EPHX3: variants seen among roughly 807,000 people sequenced by gnomAD.
EPHX3 encodes epoxide hydrolase 3.
A neutral mutation model predicts 40.2 loss-of-function variants in EPHX3; 39 were observed. The observed-to-expected ratio is 0.97, with a 90% CI of 0.75 to 1.27. EPHX3 has a LOEUF of 1.27. Among genes scored for constraint, EPHX3 ranks in the 50% most tolerant of loss-of-function variants. The probability of loss-of-function intolerance (pLI) is 0.00; values close to 1 mark genes in which losing one functional copy is unlikely to be tolerated. For synonymous variants in EPHX3, 213 were observed against 209.7 expected (o/e 1.02, Z -0.14); for missense variants, 442 against 474.0 (o/e 0.93, Z 0.63).
At chr19:15,229,156 G>A (rs995288296) in intron 4 of EPHX3, among the ~76,000 whole-genome samples, 2 of 152,148 alleles carry the variant, frequency 1.3e-5, no homozygotes, top group African/African-American at 4.8e-5. Context: ...AAGGCGGGTG[G>A]ATCACTTGAG....
In EPHX3 at chr19:15,232,317, C is replaced by T; in HGVS notation, c.-106G>A. On this transcript the variant is annotated 5_prime_UTR_variant, in exon 1 of 7. Transcript: ENST00000221730. ...GCCCATCGCCCTTGGCCTGGGGCCC[C>T]TCCGTGCCGTCGGGATTTGTGGGAC... 2 of 1,381,422 alleles carry T rather than the reference C, an allele frequency of 1.4e-6. No individual in the cohort carries two copies. Among genetic ancestry groups the T allele is most frequent in the South Asian group, 3.3e-5 (2 of 60,270 alleles). The allele number at this position is 1,381,422 out of a possible 1,614,324, so 85.6% of individuals were successfully genotyped here.
At chr19:15,232,495 A>G (rs2047163218), upstream of EPHX3, 2 of 1,166,762 alleles carry the variant, frequency 1.7e-6, no homozygotes, top group South Asian at 2.1e-5. Flanking sequence ...GGGGAAATAA[A>G]TGGGCGGGGC....
At position 15,231,078 on chromosome 19, in the gene EPHX3, C is replaced by T. The variant is rs145221633; in HGVS notation, c.500G>A (p.Cys167Tyr). 147 of 1,613,920 alleles carry T rather than the reference C, an allele frequency of 9.1e-5. 1 individual carries two copies. The South Asian group carries it at 1.5e-3, about 16-fold the overall frequency. ...ACCCCAGTCATGGGCCACAAGGATG[C>T]ACTTCGAGTAACCTGTGGGAATTCA... ...DVILGLGYSK[C>Y]ILVAHDWGAL... The change falls in exon 4 of 7, where the codon TGC becomes TAC. Residue 167 changes from cysteine (C) to tyrosine (Y), a missense_variant. Transcript: ENST00000221730.
chr19:15,231,821 C>T lies in EPHX3; in HGVS notation c.284G>A (p.Gly95Asp), dbSNP rs759550611. 1.9e-6 allele frequency: 3 copies of T among 1,613,958 alleles called. No homozygotes were observed. Among genetic ancestry groups the T allele is most frequent in the Non-Finnish European group, 2.5e-6 (3 of 1,180,020 alleles). Reference protein sequence around the residue: ...LRLHYVSAGRGNGPLMLFLHG... With the variant: ...LRLHYVSAGRDNGPLMLFLHG... ...CAGAAACAGCATGAGGGGTCCGTTA[C>T]CTCGTCCAGCCGAGACATAGTGCAG... Residue 95 changes from glycine to aspartate, a missense_variant, in exon 2 of 7, where the codon GGT becomes GAT. Physicochemically the swap from Gly to Asp is moderately conservative, Grantham distance 94. Transcript: ENST00000221730.
chr19:15,235,036 A>AT (rs2047181363), upstream of EPHX3, among the ~76,000 whole-genome samples: 1 of 151,934 alleles, frequency 6.6e-6, no homozygotes, highest in Non-Finnish European at 1.5e-5. Context: ...GAGTCTCACC[A>AT]TATCACCCAA....
Position 15,232,214 on chromosome 19 carries a change from C to A in EPHX3, c.-3G>T. On this transcript the variant is annotated 5_prime_UTR_variant, in exon 1 of 7. Transcript: ENST00000221730. ...GCGGTCACCACCAGCTCCGGCATGTCGCCGCGCTCCGGGACCACGGCGGCG... is the reference window on the plus strand; with the variant it reads ...GCGGTCACCACCAGCTCCGGCATGTAGCCGCGCTCCGGGACCACGGCGGCG... The A allele has an allele frequency of 6.7e-7, 1 of 1,499,920 alleles. No homozygotes were observed. The highest frequency in any genetic ancestry group is 1.2e-5 in the South Asian group (1 of 80,696). The allele number at this position is 1,499,920 out of a possible 1,614,324, so 92.9% of individuals were successfully genotyped here.
chr19:15,227,305 A>G lies in EPHX3; in HGVS notation c.*132T>C, dbSNP rs1268261418. On this transcript the variant is annotated 3_prime_UTR_variant, in exon 7 of 7. Coordinates refer to ENST00000221730, the MANE Select transcript of EPHX3 (RefSeq NM_024794.3). ...TAGGTGCGCTTGTGTGGGATCCAGG[A>G]GTCCCATGCCTATGAGCGATTCAAG... 2 of 732,576 alleles carry G rather than the reference A, an allele frequency of 2.7e-6. No homozygotes were observed. The highest frequency in any genetic ancestry group is 2.3e-5 in the Admixed American group (1 of 43,424). 45.4% of individuals were successfully genotyped at this position (732,576 alleles called of 1,614,324 possible).
chr19:15,230,911 C>T, intron 4 of EPHX3, 51 bp downstream of exon 4: 1 of 1,601,268 alleles, frequency 6.2e-7, no homozygotes, highest in Non-Finnish European at 8.5e-7. Flanking sequence ...ACACATGTCC[C>T]TGCCCCCTTG....
rs755614885 is a variant in EPHX3, at chr19:15,232,029, G to T, written c.183C>A (p.Ser61Arg). The T allele has an allele frequency of 3.1e-6, 5 of 1,591,206 alleles. No individual in the cohort carries two copies. The South Asian group carries it at 5.6e-5, about 18-fold the overall frequency. ...GGTCGCTCAGGCAGGCGGGGGACGCGCTCCGACGGCGCCCGCAGCAGCCGC... is the reference window on the plus strand; with the variant it reads ...GGTCGCTCAGGCAGGCGGGGGACGCTCTCCGACGGCGCCCGCAGCAGCCGC... ...PRRGCCGRRRSASPACLSDPS... is the reference protein window; with the variant it reads ...PRRGCCGRRRRASPACLSDPS... Residue 61 changes from serine (S) to arginine (R), a missense_variant, in exon 1 of 7, where the codon AGC (serine) becomes AGA (arginine). By Grantham distance (110) the Ser-to-Arg change is moderately radical. Transcript: ENST00000221730.
chr19:15,228,181 G>T (rs1473342448), intron 4 of EPHX3, 81 bp from the exon 5 acceptor site: 2 of 1,121,302 alleles, frequency 1.8e-6, no homozygotes, highest in Non-Finnish European at 2.6e-6. Flanking sequence ...CACATACCCA[G>T]GTCAGGGACA....
At position 15,231,003 on chromosome 19, in the gene EPHX3, C is replaced by A. The variant is rs139340007; in HGVS notation, c.575G>T (p.Arg192Leu). 1 of 1,614,048 alleles carries A rather than the reference C, an allele frequency of 6.2e-7. No homozygotes were observed. The highest frequency in any genetic ancestry group is 8.5e-7 in the Non-Finnish European group (1 of 1,180,022). Residue 192 changes from arginine (R) to leucine (L), a missense_variant, in exon 4 of 7, where the codon CGG becomes CTG. Arg to Leu is a moderately radical substitution (Grantham distance 102). Transcript: ENST00000221730. ...FSIYYPSLVE[R>L]MVVVSGAPMS... is the part of the protein sequence containing the mutation. ...GGGGGCACCACTGACCACAACCATCCGCTCGACCAGGGATGGGTAGTAGAT... is the reference window on the plus strand; with the variant it reads ...GGGGGCACCACTGACCACAACCATCAGCTCGACCAGGGATGGGTAGTAGAT...
chr19:15,234,220 T>C (rs34840941), upstream of EPHX3, among the ~76,000 whole-genome samples: 22,333 of 152,210 alleles, frequency 0.15, 1,878 homozygotes, highest in Middle Eastern at 0.2. Context: ...GAACCTGAAA[T>C]TCGAGGATGA....
upstream of EPHX3, among the ~76,000 whole-genome samples, chr19:15,233,815 A>G (rs945815098): frequency 6.6e-6 from 1 of 152,180 alleles, no homozygotes; most frequent in Non-Finnish European, 1.5e-5. Flanking sequence ...CTGTAATCCC[A>G]GCACTTTGGG....
At chr19:15,230,031 T>A (rs2047143005) in intron 4 of EPHX3, among the ~76,000 whole-genome samples, 2 of 151,850 alleles carry the variant, frequency 1.3e-5, no homozygotes, top group Non-Finnish European at 2.9e-5. Context: ...CCAGCCTCAG[T>A]TTCCTCCAGC....
chr19:15,227,996 C>T lies in EPHX3; in HGVS notation c.720+1G>A, dbSNP rs377059765. On this transcript the variant is annotated splice_donor_variant, in intron 5 of 6. Transcript: ENST00000221730. LOFTEE classifies it high-confidence loss of function. The stretch of plus-strand genomic sequence containing the variant: ...CTCCCTTCAACCTGCACCCTCTGTA[C>T]CTGAAAGTCAGACATAGACAGCAGC... The T allele has an allele frequency of 1.2e-5, 20 of 1,613,928 alleles. No homozygotes were observed. The African/African-American group carries it at 2.5e-4, about 20-fold the overall frequency.
At chr19:15,233,448 G>T (rs988028674), upstream of EPHX3, 28 of 152,402 alleles carry the variant, frequency 1.8e-4, no homozygotes, top group Non-Finnish European at 3.2e-4. Flanking sequence ...AGCGGCCTCG[G>T]CCCGGCGCCG....
upstream of EPHX3, chr19:15,232,456 G>A (rs560696490): frequency 4.2e-3 from 5,581 of 1,330,290 alleles, 18 homozygotes; most frequent in South Asian, 6.5e-3. Flanking sequence ...GGTAGGGTGC[G>A]GAGGCTGGGG....
chr19:15,231,883 A>G, intron 1 of EPHX3, 22 bp from the exon 2 acceptor site: 1 of 1,613,340 alleles, frequency 6.2e-7, no homozygotes, highest in Non-Finnish European at 8.5e-7. Context: ...GCACAGCCTG[A>G]AGCCTGGGGA....
Position 15,231,305 on chromosome 19 carries a change from G to C in EPHX3, c.421C>G (p.Arg141Gly). 1 of 1,613,930 alleles carries C rather than the reference G, an allele frequency of 6.2e-7. No individual in the cohort carries two copies. Among genetic ancestry groups the C allele is most frequent in the South Asian group, 1.1e-5 (1 of 91,080 alleles). Residue 141 changes from arginine to glycine, a missense_variant, in exon 3 of 7, where the codon CGG (arginine) becomes GGG (glycine). By Grantham distance (125) the Arg-to-Gly change is moderately radical. Coordinates refer to ENST00000221730, the MANE Select transcript of EPHX3 (RefSeq NM_024794.3). ...TCGATTGTGTAGCAGTCCACATCCC[G>C]AGGTGCATCCGAGGGGCCATAGCCT... is the stretch of plus-strand genomic sequence containing the variant. ...LRGYGPSDAP[R>G]DVDCYTIDLL...
Sources: allele counts gnomAD v4.1 joint callset (sites outside exome capture counted in the v4.1 genomes callset), GRCh38; gene constraint gnomAD v4.1.1; transcripts MANE v1.5; gene names NCBI Gene and HGNC (gene_info 2026-07-23, HGNC 2026-07-21).